ROBO2: variants seen among roughly 807,000 people sequenced by gnomAD.
ROBO2 encodes the protein roundabout homolog 2.
A neutral mutation model predicts 160.8 loss-of-function variants in ROBO2; 53 were observed. That is an observed-to-expected ratio of 0.33 (90% CI 0.26 to 0.41). The LOEUF is 0.41. Ranked by LOEUF, ROBO2 falls within the 10% of genes least tolerant of loss-of-function variation. ROBO2 has a pLI of 1.00. For synonymous variants in ROBO2, 664 were observed against 611.7 expected (o/e 1.09, Z -1.26); for missense variants, 1,577 against 1,722.4 (o/e 0.92, Z 1.49).
chr3:76,273,821 T>C (rs959500759), intron 2 of ROBO2, among the ~76,000 whole-genome samples: 1 of 152,172 alleles, frequency 6.6e-6, no homozygotes, highest in Non-Finnish European at 1.5e-5. Context: ...AGGTAGTATT[T>C]GGGTGGGGAC....
intron 2 of ROBO2, among the ~76,000 whole-genome samples, chr3:76,395,594 AAG>A (rs1014141380): frequency 1.3e-5 from 2 of 151,922 alleles, no homozygotes; most frequent in Non-Finnish European, 2.9e-5. Flanking sequence ...TAAAGAAAAA[AAG>A]AGAGAAGAAT....
chr3:76,014,146 A>G (rs1268318560), intron 2 of ROBO2, among the ~76,000 whole-genome samples: 6 of 149,672 alleles, frequency 4.0e-5, no homozygotes. Flanking sequence ...TAATCCCAGA[A>G]GTAATATGTA....
chr3:77,494,334 T>C (rs2086519489), intron 5 of ROBO2, among the ~76,000 whole-genome samples: 1 of 152,156 alleles, frequency 6.6e-6, no homozygotes, highest in Admixed American at 6.5e-5. Context: ...CCCAACACTT[T>C]GGGAGGCCGA....
intron 2 of ROBO2, among the ~76,000 whole-genome samples, chr3:75,982,717 A>G (rs2065311751): frequency 6.6e-6 from 1 of 151,464 alleles, no homozygotes; most frequent in East Asian, 1.9e-4. Flanking sequence ...GATGAATGCA[A>G]AAGTTTGGTA....
intron 2 of ROBO2, among the ~76,000 whole-genome samples, chr3:77,305,856 A>G (rs1044663797): frequency 6.6e-6 from 1 of 152,198 alleles, no homozygotes; most frequent in Admixed American, 6.5e-5. Flanking sequence ...TAACATTTGA[A>G]CAAGAGTGAA....
intron 2 of ROBO2, among the ~76,000 whole-genome samples, chr3:77,369,656 GT>G (rs1278315511): frequency 2.0e-5 from 3 of 152,142 alleles, no homozygotes; most frequent in African/African-American, 4.8e-5. Flanking sequence ...CCCAATTAAA[GT>G]TTTTTGGACT....
At chr3:76,400,675 T>C (rs938518762) in intron 2 of ROBO2, among the ~76,000 whole-genome samples, 1 of 151,646 alleles carries the variant, frequency 6.6e-6, no homozygotes, top group Non-Finnish European at 1.5e-5. Flanking sequence ...TAACACAATA[T>C]AAATTATGTT....
intron 2 of ROBO2, among the ~76,000 whole-genome samples, chr3:77,264,227 T>C (rs2153342633): frequency 6.6e-6 from 1 of 152,330 alleles, no homozygotes; most frequent in South Asian, 2.1e-4. Context: ...TATAAGTAGT[T>C]ATAAAAACAG....
At chr3:76,635,172 A>G (rs2090261084) in intron 2 of ROBO2, among the ~76,000 whole-genome samples, 1 of 152,148 alleles carries the variant, frequency 6.6e-6, no homozygotes, top group Admixed American at 6.5e-5. Flanking sequence ...TATGACTTAG[A>G]CTAAGTCATT....
intron 2 of ROBO2, among the ~76,000 whole-genome samples, chr3:77,277,624 G>A (rs1179450368): frequency 6.6e-6 from 1 of 152,112 alleles, no homozygotes; most frequent in African/African-American, 2.4e-5. Flanking sequence ...CCCTGCAAAG[G>A]ACATGATCTT....
intron 2 of ROBO2, among the ~76,000 whole-genome samples, chr3:77,338,966 G>A (rs1411809026): frequency 6.6e-6 from 1 of 152,088 alleles, no homozygotes; most frequent in Non-Finnish European, 1.5e-5. Flanking sequence ...AGTCCCTGAT[G>A]ACATCTCAAA....
In ROBO2 at chr3:76,264,219, C is replaced by G. The variant is rs139982153; in HGVS notation, c.109+326617C>G. Among the ~76,000 whole-genome samples, 476 of 151,928 alleles carry G rather than the reference C, an allele frequency of 3.1e-3. 1 individual carries two copies. Among genetic ancestry groups the G allele is most frequent in the Non-Finnish European group, 4.5e-3 (307 of 67,960 alleles). On this transcript the variant is annotated intron_variant, in intron 2 of 26. Transcript: ENST00000487694. ...ACCTTCACGTTCTGCACTTGTATCT[C>G]AGAACTGAAAGTGAAATTAAAAAAA...
intron 2 of ROBO2, among the ~76,000 whole-genome samples, chr3:76,196,094 C>T (rs767891079): frequency 6.6e-6 from 1 of 152,150 alleles, no homozygotes; most frequent in Non-Finnish European, 1.5e-5. Flanking sequence ...TTCCTGTTCT[C>T]ACTCTGGGAG....
intron 2 of ROBO2, among the ~76,000 whole-genome samples, chr3:76,068,361 GCC>G (rs2068332138): frequency 6.6e-6 from 1 of 152,130 alleles, no homozygotes; most frequent in African/African-American, 2.4e-5. Flanking sequence ...GAGATGGAAA[GCC>G]ACTGAAGACT....
At chr3:76,388,835 A>G (rs2077017631) in intron 2 of ROBO2, among the ~76,000 whole-genome samples, 1 of 152,038 alleles carries the variant, frequency 6.6e-6, no homozygotes, top group South Asian at 2.1e-4. Context: ...TTTTATGCTT[A>G]TAGATATTAT....
chr3:77,635,275 A>AT lies in ROBO2; in HGVS notation c.3934+245dup, dbSNP rs10717928. Among the ~76,000 whole-genome samples, 503 of 147,674 alleles carry AT rather than the reference A, an allele frequency of 3.4e-3. 1 individual carries two copies. Among genetic ancestry groups the AT allele is most frequent in the Non-Finnish European group, 5.9e-3 (396 of 66,616 alleles). On this transcript the variant is annotated intron_variant, in intron 24 of 25. Coordinates refer to ENST00000461745, the Ensembl canonical transcript of ROBO2. ...CATTCCATGCAATTTTTTGAGGTTG[A>AT]TTTTTTTTTTTTTGCCATTCTGGCA...
chr3:77,287,722 G>T (rs561964084), intron 2 of ROBO2, among the ~76,000 whole-genome samples: 76 of 152,254 alleles, frequency 5.0e-4, no homozygotes, highest in African/African-American at 1.8e-3. Context: ...TCTAAAGGAT[G>T]ACTGCAATTC....
intron 2 of ROBO2, among the ~76,000 whole-genome samples, chr3:76,149,090 TTG>T (rs1181100367): frequency 3.9e-5 from 6 of 151,934 alleles, no homozygotes; most frequent in African/African-American, 1.5e-4. Context: ...CAGTTTTTTT[TTG>T]TGTGTGTGTG....
At chr3:77,523,361 A>G (rs781001150) in intron 6 of ROBO2, among the ~76,000 whole-genome samples, 1 of 151,354 alleles carries the variant, frequency 6.6e-6, no homozygotes, top group African/African-American at 2.4e-5. Flanking sequence ...AAAACTAGCA[A>G]TGCTTCCAAA....
Sources: allele counts gnomAD v4.1 joint callset (sites outside exome capture counted in the v4.1 genomes callset), GRCh38; gene constraint gnomAD v4.1.1; transcripts MANE v1.5; gene names NCBI Gene and HGNC (gene_info 2026-07-23, HGNC 2026-07-21).